RERE: variants seen among roughly 807,000 people sequenced by gnomAD.
The protein encoded by RERE is arginine-glutamic acid dipeptide repeats.
Under a neutral mutation model 146.1 loss-of-function variants are expected in RERE, and 40 were observed. That is an observed-to-expected ratio of 0.27 (90% CI 0.21 to 0.36). The LOEUF (loss-of-function observed/expected upper bound fraction) is 0.36, where lower values mean the gene tolerates loss of function less well. RERE is among the 10% of genes least tolerant of loss of function. RERE has a pLI of 1.00. For synonymous variants in RERE, 1,003 were observed against 866.0 expected, an observed-to-expected ratio of 1.16 and a Z score of -2.78; for missense variants, 1,933 against 2,138.7, an observed-to-expected ratio of 0.90 and a Z score of 1.90.
chr1:8,685,085 T>C (rs1570606239), intron 1 of RERE, among the ~76,000 whole-genome samples: 1 of 152,300 alleles, frequency 6.6e-6, no homozygotes, highest in East Asian at 1.9e-4. Flanking sequence ...CTCAAACTCC[T>C]GGGCTCAAGC....
In RERE at chr1:8,522,716, T is replaced by C. The variant is rs145237808; in HGVS notation, c.831-14041A>G. ...GTGAAACCCCGTCTCTACTAAAAAA[T>C]ACAAAAATTAGCCAGGCATGGTGGC... On this transcript the variant is annotated intron_variant, in intron 7 of 22. Transcript: ENST00000400908. 8.5e-3 allele frequency among the ~76,000 whole-genome samples: 1,290 copies of C among 151,526 alleles called. 21 individuals are homozygous for C. Among genetic ancestry groups the C allele is most frequent in the African/African-American group, 0.029 (1,215 of 41,286 alleles).
chr1:8,436,271 ATTGTGCCACTGCACT>A (rs1644168829), intron 11 of RERE, among the ~76,000 whole-genome samples: 2 of 152,350 alleles, frequency 1.3e-5, no homozygotes, highest in Middle Eastern at 3.4e-3. Context: ...ATGAGCTGAG[ATTGTGCCACTGCACT>A]CCAACCTGGG....
At chr1:8,378,378 T>G (rs1275626763) in intron 12 of RERE, among the ~76,000 whole-genome samples, 1 of 152,236 alleles carries the variant, frequency 6.6e-6, no homozygotes, top group Non-Finnish European at 1.5e-5. Flanking sequence ...AGACTGCAGC[T>G]GTCTTTATGC....
At chr1:8,706,302 TAA>T (rs1639560958) in intron 1 of RERE, among the ~76,000 whole-genome samples, 1 of 151,632 alleles carries the variant, frequency 6.6e-6, no homozygotes, top group Non-Finnish European at 1.5e-5. Flanking sequence ...TTTAGAAAAA[TAA>T]AAAGTCTAGT....
rs930466442 is a variant in RERE at position 8,765,271 on chromosome 1, C to T, written c.-145+51889G>A. ...ACAAAAGACTACATGATTCAATTAA[C>T]GTGAAATGTCCAGAATAGGCAAATC... On this transcript the variant is annotated intron_variant, in intron 1 of 22. Transcript: ENST00000400908. 7.2e-5 allele frequency among the ~76,000 whole-genome samples: 11 copies of T among 152,204 alleles called. No homozygotes were observed. The South Asian group carries it at 1.0e-3, about 14-fold the overall frequency.
At chr1:8,666,644 ATAAACAG>A (rs1321167017) in intron 1 of RERE, among the ~76,000 whole-genome samples, 1 of 152,268 alleles carries the variant, frequency 6.6e-6, no homozygotes, top group African/African-American at 2.4e-5. Context: ...AGGCATTCTC[ATAAACAG>A]TAACCTGATG....
intron 1 of RERE, among the ~76,000 whole-genome samples, chr1:8,815,726 C>T (rs1388523438): frequency 6.6e-6 from 1 of 152,116 alleles, no homozygotes; most frequent in Non-Finnish European, 1.5e-5. Context: ...CTTCTCTCTT[C>T]TCTCCCAAAA....
intron 6 of RERE, among the ~76,000 whole-genome samples, chr1:8,554,678 C>CAAAAA (rs386366172): frequency 9.9e-6 from 1 of 100,726 alleles, no homozygotes; most frequent in East Asian, 3.0e-4. Context: ...GATCCTGTCT[C>CAAAAA]AAAAAAAAAA....
Position 8,607,534 on chromosome 1 carries a change from C to CTTTTTT in RERE, c.522+7021_522+7026dup, listed in dbSNP as rs1167501074. On this transcript the variant is annotated intron_variant, in intron 4 of 22. Transcript: ENST00000400908. ...CGCATATTTGTTTTTATATATATTT[C>CTTTTTT]TTTTTTTTTTTTTTTTTTTTTTTTT... 5.9e-3 allele frequency among the ~76,000 whole-genome samples: 288 copies of CTTTTTT among 48,574 alleles called. 67 individuals are homozygous for CTTTTTT. Among genetic ancestry groups the CTTTTTT allele is most frequent in the East Asian group, 0.054 (63 of 1,156 alleles). The allele number at this position is 48,574 out of a possible 152,430, so 31.9% of individuals were successfully genotyped here. A position where few individuals can be genotyped will look rare whatever the true frequency, so the allele number is the denominator to read the frequency against.
At chr1:8,815,781 G>A (rs1379178079) in intron 1 of RERE, among the ~76,000 whole-genome samples, 2 of 152,116 alleles carry the variant, frequency 1.3e-5, no homozygotes, top group Non-Finnish European at 1.5e-5. Flanking sequence ...ATATGGGAGA[G>A]AGAGAATGAA....
intron 1 of RERE, among the ~76,000 whole-genome samples, chr1:8,658,463 A>ATT (rs1028725650): frequency 2.0e-5 from 3 of 152,308 alleles, no homozygotes; most frequent in African/African-American, 7.2e-5. Flanking sequence ...TGCAGAGAAA[A>ATT]TTCTCTTTGG....
chr1:8,587,010 C>T (rs1021705620), intron 4 of RERE, among the ~76,000 whole-genome samples: 27 of 152,150 alleles, frequency 1.8e-4, no homozygotes, highest in African/African-American at 6.5e-4. Flanking sequence ...TATGGGAGAA[C>T]TTGCATTAAC....
intron 7 of RERE, among the ~76,000 whole-genome samples, chr1:8,533,894 A>T (rs948556559): frequency 6.6e-6 from 1 of 152,228 alleles, no homozygotes; most frequent in Non-Finnish European, 1.5e-5. Context: ...GATCAAATGA[A>T]AAACAGGCTT....
chr1:8,388,438 G>A, intron 12 of RERE, among the ~76,000 whole-genome samples: 1 of 152,034 alleles, frequency 6.6e-6, no homozygotes, highest in East Asian at 1.9e-4. Flanking sequence ...TCCTGCCTCA[G>A]CCTCCTGAGT....
intron 12 of RERE, among the ~76,000 whole-genome samples, chr1:8,379,995 C>T (rs1228004380): frequency 6.6e-6 from 1 of 152,212 alleles, no homozygotes; most frequent in Admixed American, 6.5e-5. Flanking sequence ...GGAGACAAAT[C>T]ACCACTGTTG....
At chr1:8,386,001 T>A (rs1266936574) in intron 12 of RERE, among the ~76,000 whole-genome samples, 66 of 32,964 alleles carry the variant, frequency 2.0e-3, no homozygotes, top group East Asian at 6.7e-3. Flanking sequence ...AAAATATATA[T>A]ATATATATAT....
intron 15 of RERE, chr1:8,363,712 A>G (rs1379177987): frequency 3.4e-6 from 1 of 297,246 alleles, no homozygotes; most frequent in East Asian, 7.4e-5. Flanking sequence ...CTAACACAAA[A>G]GAGCCTGCAA....
intron 1 of RERE, among the ~76,000 whole-genome samples, chr1:8,688,619 T>A (rs903146852): frequency 6.6e-6 from 1 of 152,080 alleles, no homozygotes; most frequent in African/African-American, 2.4e-5. Context: ...GGCACACACC[T>A]GTAGCCTCCC....
At chr1:8,679,573 C>A (rs1638918143) in intron 1 of RERE, among the ~76,000 whole-genome samples, 1 of 152,142 alleles carries the variant, frequency 6.6e-6, no homozygotes, top group Admixed American at 6.5e-5. Context: ...GGCAGACAGG[C>A]TATATGTAAT....
Sources: gnomAD v4.1 joint callset for allele counts (sites outside exome capture counted in the v4.1 genomes callset) on GRCh38, gnomAD v4.1.1 for gene constraint, MANE v1.5 for transcripts, NCBI Gene and HGNC (gene_info 2026-07-23, HGNC 2026-07-21) for gene names.